Variants in ALOX5 observed in about 807,000 individuals in gnomAD.
ALOX5 encodes polyunsaturated fatty acid 5-lipoxygenase.
ALOX5 carries 64 observed loss-of-function variants against 87.9 expected under a neutral mutation model. The observed-to-expected ratio is 0.73, with a 90% confidence interval of 0.60 to 0.90. The LOEUF (loss-of-function observed/expected upper bound fraction) is 0.90. ALOX5 is among the 40% of genes least tolerant of loss of function. ALOX5 has a pLI of 0.00. For missense variants in ALOX5, 822 were observed against 907.5 expected (o/e 0.91, Z 1.21); for synonymous variants, 388 against 355.1 (o/e 1.09, Z -1.04).
chr10:45,399,009 A>G (rs1242248459), intron 3 of ALOX5, among the ~76,000 whole-genome samples: 3 of 152,232 alleles, frequency 2.0e-5, no homozygotes, highest in Non-Finnish European at 2.9e-5. Flanking sequence ...TTGTACATGC[A>G]TGATTATAGC....
At chr10:45,439,753 T>A (rs1330004985) in intron 7 of ALOX5, among the ~76,000 whole-genome samples, 1 of 152,112 alleles carries the variant, frequency 6.6e-6, no homozygotes, top group East Asian at 1.9e-4. Flanking sequence ...TGATTTGCAT[T>A]TTGGAAAAGA....
chr10:45,406,267 C>A (rs12263894), intron 3 of ALOX5, among the ~76,000 whole-genome samples: 3,754 of 152,132 alleles, frequency 0.025, 154 homozygotes, highest in African/African-American at 0.086. Context: ...TAAGTGTTGG[C>A]GAGTTTTGTA....
chr10:45,381,771 G>A (rs1025581560), intron 1 of ALOX5, among the ~76,000 whole-genome samples: 1 of 152,260 alleles, frequency 6.6e-6, no homozygotes, highest in Non-Finnish European at 1.5e-5. Flanking sequence ...CTCAAGGGCA[G>A]GGCCCAGGAT....
At chr10:45,444,365 G>A (rs1420619900) in intron 13 of ALOX5, 79 bp downstream of exon 13, 14 of 1,457,698 alleles carry the variant, frequency 9.6e-6, no homozygotes, top group South Asian at 4.1e-5. Flanking sequence ...TTTGTGACTC[G>A]GGCCCCAAGG....
At chr10:45,395,792 C>A in intron 2 of ALOX5, 63 bp from the exon 3 acceptor site, 1 of 1,474,438 alleles carries the variant, frequency 6.8e-7, no homozygotes, top group Non-Finnish European at 9.5e-7. Flanking sequence ...AGCCTGAACA[C>A]TTGGCATTGG....
chr10:45,392,006 C>A (rs566373495), intron 2 of ALOX5, among the ~76,000 whole-genome samples: 3 of 151,470 alleles, frequency 2.0e-5, no homozygotes, highest in African/African-American at 7.3e-5. Context: ...GTCAGCCCCC[C>A]GCCCGGCCAG....
intron 2 of ALOX5, among the ~76,000 whole-genome samples, chr10:45,386,300 C>CAA (rs56924533): frequency 0.012 from 1,507 of 124,468 alleles, 25 homozygotes; most frequent in African/African-American, 0.041. Context: ...GACTCTGTCT[C>CAA]AAAAAAAAAA....
At chr10:45,441,537 G>C (rs1429411088) in intron 9 of ALOX5, 107 bp downstream of exon 9, 2 of 1,128,776 alleles carry the variant, frequency 1.8e-6, no homozygotes, top group Admixed American at 3.8e-5. Context: ...AAGGGTGAAG[G>C]CTGGAGTCTG....
chr10:45,405,959 C>T (rs1840869693), intron 3 of ALOX5, among the ~76,000 whole-genome samples: 2 of 152,136 alleles, frequency 1.3e-5, no homozygotes, highest in Admixed American at 1.3e-4. Flanking sequence ...GCATTCGTTC[C>T]TGACTTGGAT....
chr10:45,402,108 C>A (rs1024578880), intron 3 of ALOX5, among the ~76,000 whole-genome samples: 4 of 112,856 alleles, frequency 3.5e-5, no homozygotes, highest in South Asian at 2.9e-4. Flanking sequence ...AAAAAAAAAT[C>A]TTTAACCAGT....
At chr10:45,429,024 C>A (rs1841828592) in intron 7 of ALOX5, among the ~76,000 whole-genome samples, 1 of 152,108 alleles carries the variant, frequency 6.6e-6, no homozygotes, top group Non-Finnish European at 1.5e-5. Flanking sequence ...ACCCCAGCAC[C>A]CTGACCAAGG....
Position 45,444,096 on chromosome 10 carries a change from G to T in ALOX5, c.1675-20G>T. ...CAGGGCTTCGGGGGTGCCCACGCTT[G>T]CTGGCGGTCGTCTCCGCAGTACGAC... On this transcript the variant is annotated intron_variant, in intron 12 of 13. Coordinates refer to ENST00000374391, the MANE Select transcript of ALOX5 (RefSeq NM_000698.5). 6.6e-7 allele frequency: 1 copy of T among 1,515,220 alleles called. No homozygotes were observed. Among genetic ancestry groups the T allele is most frequent in the South Asian group, 1.2e-5 (1 of 80,432 alleles). The allele number at this position is 1,515,220 out of a possible 1,614,324, so 93.9% of individuals were successfully genotyped here. A position where few individuals can be genotyped will look rare whatever the true frequency, so the allele number is the denominator to read the frequency against.
At chr10:45,381,164 C>T (rs986622686) in intron 1 of ALOX5, among the ~76,000 whole-genome samples, 3 of 152,220 alleles carry the variant, frequency 2.0e-5, no homozygotes, top group Non-Finnish European at 4.4e-5. Flanking sequence ...GCAGCCTTGT[C>T]CCAGAGGCCT....
chr10:45,404,230 C>T (rs557853432), intron 3 of ALOX5, among the ~76,000 whole-genome samples: 22 of 152,308 alleles, frequency 1.4e-4, no homozygotes, highest in African/African-American at 5.1e-4. Context: ...GTTCAGGAAA[C>T]ACTGAACTTT....
Position 45,440,373 on chromosome 10 carries a change from A to G in ALOX5, c.982-57A>G, listed in dbSNP as rs553216686. The G allele has an allele frequency of 6.6e-5, 103 of 1,557,848 alleles. 1 individual carries two copies. In the South Asian group the frequency reaches 9.6e-4, roughly 15 times the overall value. Reference sequence around the variant, plus strand: ...ACTTCCCAAGAGGCGAAGTTCTCCAACAACTATACTCTGAAGTGAAATATA... The same window carrying G: ...ACTTCCCAAGAGGCGAAGTTCTCCAGCAACTATACTCTGAAGTGAAATATA... On this transcript the variant is annotated intron_variant, in intron 7 of 13. Transcript: ENST00000374391.
intron 1 of ALOX5, among the ~76,000 whole-genome samples, chr10:45,379,823 T>A (rs1387460353): frequency 1.3e-5 from 2 of 152,200 alleles, no homozygotes; most frequent in Non-Finnish European, 2.9e-5. Flanking sequence ...GCCCAGGCCA[T>A]CCAGCTACTT....
chr10:45,423,506 T>G (rs1213621755), intron 4 of ALOX5, among the ~76,000 whole-genome samples: 1 of 152,210 alleles, frequency 6.6e-6, no homozygotes, highest in Non-Finnish European at 1.5e-5. Context: ...ATCTCACTCC[T>G]TAGTACCTGC....
intron 2 of ALOX5, among the ~76,000 whole-genome samples, chr10:45,387,195 C>G (rs965205461): frequency 7.2e-5 from 11 of 152,150 alleles, no homozygotes; most frequent in African/African-American, 2.7e-4. Context: ...AGTGACAGAG[C>G]CCAAGTCCAA....
chr10:45,425,137 G>A lies in ALOX5; in HGVS notation c.834+5G>A, dbSNP rs1292789299. On this transcript the variant is annotated splice_donor_5th_base_variant and intron_variant, in intron 6 of 13. Coordinates refer to ENST00000374391, the MANE Select transcript of ALOX5 (RefSeq NM_000698.5). The surrounding 1 kb of genome is among the most constrained non-coding windows in gnomAD (Gnocchi z 4.4). ...AGCTTGGAGCAGGAGGTCCAGGTAG[G>A]GGTTGATGGGCTGGGGAAGTGGCCA... 1 of 1,612,020 alleles carries A rather than the reference G, an allele frequency of 6.2e-7. No individual in the cohort carries two copies. Among genetic ancestry groups the A allele is most frequent in the Non-Finnish European group, 8.5e-7 (1 of 1,178,892 alleles).
Sources: gnomAD v4.1 joint callset for allele counts (sites outside exome capture counted in the v4.1 genomes callset) on GRCh38, gnomAD v4.1.1 for gene constraint, Gnocchi (gnomAD v3.1) non-coding constraint, MANE v1.5 for transcripts, NCBI Gene and HGNC (gene_info 2026-07-23, HGNC 2026-07-21) for gene names.